Variants in ANO2 observed in about 807,000 individuals in gnomAD.
The protein encoded by ANO2 is anoctamin-2.
Under a neutral mutation model 124.2 loss-of-function variants are expected in ANO2, and 101 were observed. That is an observed-to-expected ratio of 0.81 (90% CI 0.69 to 0.96). The LOEUF (loss-of-function observed/expected upper bound fraction) is 0.96, where lower values mean the gene tolerates loss of function less well. Ranked by LOEUF, ANO2 falls within the 40% of genes least tolerant of loss-of-function variation. ANO2 has a pLI of 0.00. For missense variants in ANO2, 1,293 were observed against 1,274.5 expected (o/e 1.01, Z -0.22); for synonymous variants, 486 against 482.5 (o/e 1.01, Z -0.09).
intron 16 of ANO2, among the ~76,000 whole-genome samples, chr12:5,629,066 C>T (rs941185837): frequency 3.9e-5 from 6 of 152,172 alleles, no homozygotes; most frequent in African/African-American, 1.2e-4. Flanking sequence ...CCAAGCACAG[C>T]CATTTTCCTA....
chr12:5,939,213 C>CAA (rs34787622), intron 1 of ANO2, among the ~76,000 whole-genome samples: 14,338 of 86,410 alleles, frequency 0.17, 1,514 homozygotes, highest in African/African-American at 0.23. Context: ...AAGACTCCAA[C>CAA]AAAAAAAAAA....
chr12:5,584,156 AAT>A lies in ANO2; in HGVS notation c.2234-5640_2234-5639del, dbSNP rs531777065. The A allele has an allele frequency of 3.8e-3, 601 of 158,310 alleles. 6 individuals are homozygous for A. Among genetic ancestry groups the A allele is most frequent in the African/African-American group, 0.015 (541 of 35,140 alleles). 9.8% of individuals were successfully genotyped at this position (158,310 alleles called of 1,614,324 possible). On this transcript the variant is annotated intron_variant, in intron 20 of 24. Transcript: ENST00000682330. Reference sequence around the variant, plus strand: ...ACCCCCCCCCCGCCGCAAGAATATTAATGTTGATCATGTCAACAGACTGGCAC... The same window carrying A: ...ACCCCCCCCCCGCCGCAAGAATATTAGTTGATCATGTCAACAGACTGGCAC...
intron 3 of ANO2, chr12:5,856,776 G>A (rs1955111877): frequency 6.6e-6 from 1 of 152,198 alleles, no homozygotes; most frequent in South Asian, 2.1e-4. Flanking sequence ...GTGAAAGATA[G>A]AATTCTACCT....
chr12:5,919,910 A>G lies in ANO2; in HGVS notation c.534+1130T>C, dbSNP rs140572909. Among the ~76,000 whole-genome samples, 200 of 151,794 alleles carry G rather than the reference A, an allele frequency of 1.3e-3. 1 individual carries two copies. Among genetic ancestry groups the G allele is most frequent in the African/African-American group, 4.6e-3 (190 of 41,396 alleles). On this transcript the variant is annotated intron_variant, in intron 3 of 24. Transcript: ENST00000682330. ...GACAGGGTTTCACCATGTTAGCCAG[A>G]ATGATCTCGATCTCCTGACCTTGTG...
chr12:5,691,772 G>A (rs1310304385), intron 14 of ANO2, among the ~76,000 whole-genome samples: 3 of 152,040 alleles, frequency 2.0e-5, no homozygotes, highest in African/African-American at 4.8e-5. Flanking sequence ...GCATGGTGGT[G>A]CATGCCTGTA....
At chr12:5,726,789 A>G (rs1950457793) in intron 14 of ANO2, among the ~76,000 whole-genome samples, 1 of 152,196 alleles carries the variant, frequency 6.6e-6, no homozygotes, top group Non-Finnish European at 1.5e-5. Context: ...ATAAATAAAT[A>G]AGAGACAGTC....
chr12:5,707,285 T>C (rs1224925268), intron 14 of ANO2, among the ~76,000 whole-genome samples: 1 of 152,194 alleles, frequency 6.6e-6, no homozygotes, highest in Non-Finnish European at 1.5e-5. Context: ...TCCTGAGGCC[T>C]CCCCAGCCAT....
At chr12:5,911,090 C>T (rs550808087) in intron 3 of ANO2, among the ~76,000 whole-genome samples, 1 of 152,154 alleles carries the variant, frequency 6.6e-6, no homozygotes, top group Non-Finnish European at 1.5e-5. Flanking sequence ...ATCAGACCAT[C>T]GGTCACTCTC....
intron 14 of ANO2, among the ~76,000 whole-genome samples, chr12:5,672,326 G>A (rs958950910): frequency 6.6e-6 from 1 of 152,242 alleles, no homozygotes; most frequent in Non-Finnish European, 1.5e-5. Flanking sequence ...TGTTTACAAG[G>A]CATGCTGAGT....
At chr12:5,629,281 T>G (rs1045434313) in intron 16 of ANO2, among the ~76,000 whole-genome samples, 1 of 152,190 alleles carries the variant, frequency 6.6e-6, no homozygotes, top group Non-Finnish European at 1.5e-5. Context: ...CCTAGAAGCC[T>G]GCCATCAGCT....
Position 5,635,725 on chromosome 12 carries a change from AACTCCT to A in ANO2, c.1621-384_1621-379del, listed in dbSNP as rs1452743037. Among the ~76,000 whole-genome samples, 3 of 152,144 alleles carry A rather than the reference AACTCCT, an allele frequency of 2.0e-5. No individual in the cohort carries two copies. Among genetic ancestry groups the A allele is most frequent in the Non-Finnish European group, 4.4e-5 (3 of 68,038 alleles). On this transcript the variant is annotated intron_variant, in intron 15 of 24. Coordinates refer to ENST00000682330, the MANE Select transcript of ANO2 (RefSeq NM_001364791.2). This position sits in a 1 kb window ranked among gnomAD's most constrained non-coding sequence, Gnocchi z 5.2. ...TTTGATCTTCTAAAGAGATAACATGAACTCCTTTTAAATAAACCATAGTAAATAATG... is the reference window on the plus strand; with the variant it reads ...TTTGATCTTCTAAAGAGATAACATGATTTAAATAAACCATAGTAAATAATG...
chr12:5,775,744 G>A (rs542539146), intron 10 of ANO2, among the ~76,000 whole-genome samples: 4 of 152,202 alleles, frequency 2.6e-5, no homozygotes, highest in African/African-American at 9.6e-5. Context: ...CTTTTATTTA[G>A]ATGTGTGTCA....
intron 4 of ANO2, among the ~76,000 whole-genome samples, chr12:5,843,445 G>C (rs1198026641): frequency 6.6e-6 from 1 of 152,072 alleles, no homozygotes; most frequent in African/African-American, 2.4e-5. Context: ...AGCTACTTGG[G>C]AGGCTGCGGT....
chr12:5,713,334 C>G (rs1949885063), intron 14 of ANO2, among the ~76,000 whole-genome samples: 1 of 152,180 alleles, frequency 6.6e-6, no homozygotes, highest in African/African-American at 2.4e-5. Flanking sequence ...GAACCACATG[C>G]ATTTATTCTT....
intron 20 of ANO2, among the ~76,000 whole-genome samples, chr12:5,581,992 T>C (rs1942781901): frequency 1.3e-5 from 2 of 152,334 alleles, no homozygotes; most frequent in South Asian, 2.1e-4. Flanking sequence ...GCATGCAAAT[T>C]CCAAATCCAA....
At chr12:5,662,747 A>G (rs1402475913) in intron 14 of ANO2, among the ~76,000 whole-genome samples, 5 of 152,200 alleles carry the variant, frequency 3.3e-5, no homozygotes, top group Admixed American at 2.6e-4. Flanking sequence ...CCTAGCACGC[A>G]ATGTTTGTTG....
chr12:5,731,952 T>A (rs1950657424), intron 14 of ANO2, among the ~76,000 whole-genome samples: 1 of 152,210 alleles, frequency 6.6e-6, no homozygotes, highest in Non-Finnish European at 1.5e-5. Flanking sequence ...TTGAAGGCTG[T>A]ATGGCATAGC....
chr12:5,765,397 T>C (rs1054399691), intron 10 of ANO2, among the ~76,000 whole-genome samples: 2 of 152,040 alleles, frequency 1.3e-5, no homozygotes, highest in Admixed American at 1.3e-4. Flanking sequence ...AAGTTAGAAA[T>C]CTTTACTTCT....
At chr12:5,688,452 T>C (rs2137009950) in intron 14 of ANO2, among the ~76,000 whole-genome samples, 1 of 152,298 alleles carries the variant, frequency 6.6e-6, no homozygotes, top group East Asian at 1.9e-4. Context: ...AAGGATTTTC[T>C]TCCAGTCAAT....
Sources: allele counts gnomAD v4.1 joint callset (sites outside exome capture counted in the v4.1 genomes callset), GRCh38; gene constraint gnomAD v4.1.1; non-coding constraint Gnocchi (gnomAD v3.1); transcripts MANE v1.5; gene names NCBI Gene and HGNC (gene_info 2026-07-23, HGNC 2026-07-21).